The following WNT5B variants were observed in gnomAD, a reference collection of about 807,000 sequenced individuals.
WNT5B encodes the protein protein Wnt-5b.
Under a neutral mutation model 36.5 loss-of-function variants are expected in WNT5B, and 18 were observed. The ratio of observed to expected loss-of-function variants is 0.49; its 90% CI spans 0.34 to 0.73. The LOEUF (loss-of-function observed/expected upper bound fraction) is 0.73, where lower values mean the gene tolerates loss of function less well. Among genes scored for constraint, WNT5B ranks in the 30% least tolerant of loss-of-function variants. The pLI is 0.01. For missense variants in WNT5B, 424 were observed against 508.4 expected (o/e 0.83, Z 1.60); for synonymous variants, 213 against 212.3 (o/e 1.00, Z -0.03).
At chr12:1,625,943 A>G (rs12311786), upstream of WNT5B, among the ~76,000 whole-genome samples, 8,295 of 150,198 alleles carry the variant, frequency 0.055, 768 homozygotes, top group African/African-American at 0.19. Flanking sequence ...GATTACAGGC[A>G]TGAGCCACCG....
At chr12:1,635,513 T>G (rs2154439645) in intron 3 of WNT5B, among the ~76,000 whole-genome samples, 3 of 152,288 alleles carry the variant, frequency 2.0e-5, no homozygotes, top group Admixed American at 2.0e-4. Flanking sequence ...GAAGGAGCAT[T>G]CTGGTGATTG....
At chr12:1,635,096 T>G (rs1413744082) in intron 3 of WNT5B, among the ~76,000 whole-genome samples, 1 of 152,224 alleles carries the variant, frequency 6.6e-6, no homozygotes, top group African/African-American at 2.4e-5. Flanking sequence ...CTTAGTAGGC[T>G]TACCCAAGGG....
intron 4 of WNT5B, among the ~76,000 whole-genome samples, chr12:1,643,686 C>CTTTTTT (rs368172169): frequency 1.0e-4 from 10 of 97,436 alleles, no homozygotes; most frequent in Non-Finnish European, 1.7e-4. Context: ...TTTTTGAAAG[C>CTTTTTT]TTTTTTTTTT....
At chr12:1,641,058 C>T (rs1045621071) in intron 4 of WNT5B, among the ~76,000 whole-genome samples, 21 of 152,094 alleles carry the variant, frequency 1.4e-4, no homozygotes, top group Non-Finnish European at 1.9e-4. Flanking sequence ...GGTTCCCAGG[C>T]GAGGTAATGT....
chr12:1,631,592 C>A (rs2094550979), intron 2 of WNT5B, among the ~76,000 whole-genome samples, 158 bp downstream of exon 2: 2 of 152,214 alleles, frequency 1.3e-5, no homozygotes, highest in Non-Finnish European at 2.9e-5. Flanking sequence ...CTCTGTGTCT[C>A]TCTCAACCCT....
In WNT5B at chr12:1,639,739, C is replaced by T. The variant is rs1056747987; in HGVS notation, c.384C>T (p.Ala128=). The part of the protein sequence containing the change: ...HAVSAAGVVN[A]ISRACREGEL... ...TGAGCGCCGCGGGCGTGGTCAACGC[C>T]ATCAGCCGGGCCTGCCGCGAGGGCG... The change falls in exon 4 of 5, where the codon GCC becomes GCT. Residue 128 remains alanine, a synonymous_variant. Coordinates refer to ENST00000397196, the MANE Select transcript of WNT5B (RefSeq NM_032642.3). 5 of 1,601,238 alleles carry T rather than the reference C, an allele frequency of 3.1e-6. No homozygotes were observed. The highest frequency in any genetic ancestry group is 1.7e-4 in the Middle Eastern group (1 of 5,998).
chr12:1,637,749 C>CA (rs35102133), intron 3 of WNT5B, among the ~76,000 whole-genome samples: 5,450 of 117,830 alleles, frequency 0.046, 106 homozygotes, highest in Middle Eastern at 0.098. Context: ...GACTCTGTCT[C>CA]AAAAAAAAAA....
chr12:1,635,927 G>T (rs1039465130), intron 3 of WNT5B, among the ~76,000 whole-genome samples: 3 of 152,144 alleles, frequency 2.0e-5, no homozygotes, highest in Non-Finnish European at 4.4e-5. Flanking sequence ...CACTCAGCAT[G>T]GTCTGTTTGT....
intron 4 of WNT5B, among the ~76,000 whole-genome samples, chr12:1,641,733 T>C (rs1592537881): frequency 6.7e-6 from 1 of 149,740 alleles, no homozygotes; most frequent in Admixed American, 6.7e-5. Flanking sequence ...GAGCCAGAGG[T>C]TGCAGTGAGC....
chr12:1,629,736 C>G (rs1055623497), intron 1 of WNT5B, among the ~76,000 whole-genome samples: 1 of 151,864 alleles, frequency 6.6e-6, no homozygotes, highest in African/African-American at 2.4e-5. Flanking sequence ...CCTATCTCTG[C>G]TCCATCTCTC....
At position 1,630,449 on chromosome 12, in the gene WNT5B, G is replaced by A. The variant is rs1265864218; in HGVS notation, c.-57-849G>A. 6.6e-6 allele frequency among the ~76,000 whole-genome samples: 1 copy of A among 152,170 alleles called. No individual in the cohort carries two copies. Among genetic ancestry groups the A allele is most frequent in the Non-Finnish European group, 1.5e-5 (1 of 68,026 alleles). ...CAGGAGGCCAAGAGGCGGGAGGCCC[G>A]GGAGCCAGCAGGGAAGGGCTGTGGC... On this transcript the variant is annotated intron_variant, in intron 1 of 4. Coordinates refer to ENST00000397196, the MANE Select transcript of WNT5B (RefSeq NM_032642.3). The surrounding 1 kb of genome is among the most constrained non-coding windows in gnomAD (Gnocchi z 5.3).
upstream of WNT5B, among the ~76,000 whole-genome samples, chr12:1,625,338 A>C (rs2094539581): frequency 6.6e-6 from 1 of 152,214 alleles, no homozygotes; most frequent in Non-Finnish European, 1.5e-5. Context: ...TCACCTGGAA[A>C]TTGGGAAGGA....
At chr12:1,645,397 C>T (rs893295066) in intron 4 of WNT5B, among the ~76,000 whole-genome samples, 12 of 152,124 alleles carry the variant, frequency 7.9e-5, no homozygotes, top group African/African-American at 2.9e-4. Context: ...AGCCACAGTG[C>T]CTGGCTGTAT....
At chr12:1,628,666 G>A (rs1368216600), upstream of WNT5B, among the ~76,000 whole-genome samples, 4 of 152,264 alleles carry the variant, frequency 2.6e-5, no homozygotes, top group East Asian at 3.9e-4. Context: ...ACACAAAACC[G>A]TCAGCCCCCA....
intron 4 of WNT5B, among the ~76,000 whole-genome samples, chr12:1,643,745 C>T (rs1310209667): frequency 9.9e-6 from 1 of 100,938 alleles, no homozygotes; most frequent in African/African-American, 4.0e-5. Context: ...ATCGGCATTT[C>T]CCCCTATCGC....
intron 1 of WNT5B, among the ~76,000 whole-genome samples, chr12:1,624,105 G>A (rs1359559953): frequency 6.6e-6 from 1 of 152,206 alleles, no homozygotes; most frequent in African/African-American, 2.4e-5. Flanking sequence ...AAAAGAAAGA[G>A]GCTGGGTACC....
chr12:1,623,187 G>GTTGTTTTTTTTTTTTTTTTTTTT (rs1555156806), intron 1 of WNT5B, among the ~76,000 whole-genome samples: 1 of 58,366 alleles, frequency 1.7e-5, no homozygotes, highest in African/African-American at 7.2e-5. Context: ...GTTTTTTGTT[G>GTTGTTTTTTTTTTTTTTTTTTTT]TTTTTTTTTT....
chr12:1,643,753 C>T (rs138084924), intron 4 of WNT5B, among the ~76,000 whole-genome samples: 2 of 92,430 alleles, frequency 2.2e-5, no homozygotes, highest in Middle Eastern at 7.4e-3. Context: ...TTCCCCCTAT[C>T]GCCTACAAAA....
chr12:1,621,283 G>A (rs978480813), intron 1 of WNT5B, among the ~76,000 whole-genome samples: 14 of 152,138 alleles, frequency 9.2e-5, no homozygotes, highest in Non-Finnish European at 1.8e-4. Flanking sequence ...GATACAGGAA[G>A]AGAATTGGAA....
Sources: gnomAD v4.1 joint callset for allele counts (sites outside exome capture counted in the v4.1 genomes callset) on GRCh38, gnomAD v4.1.1 for gene constraint, Gnocchi (gnomAD v3.1) non-coding constraint, MANE v1.5 for transcripts, NCBI Gene and HGNC (gene_info 2026-07-23, HGNC 2026-07-21) for gene names.